The following PTPRD variants were observed in gnomAD, a reference collection of about 807,000 sequenced individuals.
The protein encoded by PTPRD is receptor-type tyrosine-protein phosphatase delta.
Under a neutral mutation model 214.5 loss-of-function variants are expected in PTPRD, and 34 were observed. The ratio of observed to expected loss-of-function variants is 0.16; its 90% CI spans 0.12 to 0.21. The LOEUF (loss-of-function observed/expected upper bound fraction) is 0.21. PTPRD is among the 10% of genes least tolerant of loss of function. The pLI is 1.00. For missense variants in PTPRD, 2,545 were observed against 2,398.7 expected, an observed-to-expected ratio of 1.06 and a Z score of -1.27; for synonymous variants, 1,128 against 845.7, an observed-to-expected ratio of 1.33 and a Z score of -5.79.
In PTPRD at chr9:10,520,251, T is replaced by A. The variant is rs1485284569; in HGVS notation, c.-600+92147A>T. ...ATAATAAGATAGCAAAACAACCTTA[T>A]TGCTGATATGAAGTAAATTGTGGTG... is the stretch of plus-strand genomic sequence containing the variant. On this transcript the variant is annotated intron_variant, in intron 2 of 45. Coordinates refer to ENST00000381196, the MANE Select transcript of PTPRD (RefSeq NM_002839.4). Among the ~76,000 whole-genome samples the A allele has an allele frequency of 2.0e-5, 3 of 152,196 alleles. No homozygotes were observed. In the East Asian group the frequency reaches 5.8e-4, roughly 29 times the overall value.
chr9:10,534,403 T>C (rs1041556576), intron 2 of PTPRD, among the ~76,000 whole-genome samples: 2 of 152,064 alleles, frequency 1.3e-5, no homozygotes, highest in South Asian at 2.1e-4. Context: ...AATTTAAATA[T>C]AATAGTGTGA....
intron 9 of PTPRD, among the ~76,000 whole-genome samples, chr9:9,256,494 C>A (rs893964373): frequency 4.0e-5 from 6 of 151,702 alleles, no homozygotes; most frequent in African/African-American, 1.2e-4. Context: ...CTCTTCTAAT[C>A]CAGCCCTAAA....
At chr9:9,423,993 T>C (rs1338526110) in intron 8 of PTPRD, among the ~76,000 whole-genome samples, 3 of 152,178 alleles carry the variant, frequency 2.0e-5, no homozygotes, top group Admixed American at 6.5e-5. Flanking sequence ...GCTGGAAGTA[T>C]TGGCAACTCA....
At position 10,470,611 on chromosome 9, in the gene PTPRD, A is replaced by G. The variant is rs116704249; in HGVS notation, c.-599-129594T>C. On this transcript the variant is annotated intron_variant, in intron 2 of 45. Transcript: ENST00000381196. ...GGGATAGACTAGGGTTTTGTTGTGG[A>G]TGCCCTCCTCTGCATTGTAGGTTAT... 4.0e-3 allele frequency among the ~76,000 whole-genome samples: 611 copies of G among 152,234 alleles called. 6 individuals carry two copies. Among genetic ancestry groups the G allele is most frequent in the African/African-American group, 0.014 (581 of 41,544 alleles).
chr9:9,640,188 C>CA (rs1442343754), intron 7 of PTPRD, among the ~76,000 whole-genome samples: 1 of 152,192 alleles, frequency 6.6e-6, no homozygotes. Flanking sequence ...CCATTCTTCT[C>CA]ACCAGAAGTG....
At chr9:8,821,422 C>T (rs1362576858) in intron 11 of PTPRD, among the ~76,000 whole-genome samples, 5 of 152,148 alleles carry the variant, frequency 3.3e-5, no homozygotes, top group Non-Finnish European at 1.5e-5. Flanking sequence ...TCTACAACCC[C>T]TAGGAATTCA....
chr9:8,815,649 G>C (rs908529555), intron 11 of PTPRD, among the ~76,000 whole-genome samples: 2 of 152,092 alleles, frequency 1.3e-5, no homozygotes, highest in Non-Finnish European at 2.9e-5. Context: ...ATCAGTTTGA[G>C]ATTATGGGTT....
intron 3 of PTPRD, among the ~76,000 whole-genome samples, chr9:10,124,026 G>T (rs894883061): frequency 6.6e-6 from 1 of 152,142 alleles, no homozygotes; most frequent in Non-Finnish European, 1.5e-5. Flanking sequence ...ACCCTGGAAG[G>T]AACATCTGAG....
intron 39 of PTPRD, among the ~76,000 whole-genome samples, chr9:8,359,325 TATTATTTC>T (rs963713195): frequency 5.9e-5 from 9 of 151,664 alleles, no homozygotes; most frequent in African/African-American, 1.9e-4. Flanking sequence ...GTTTGAATTT[TATTATTTC>T]ATTATTTTTG....
chr9:9,862,444 G>T (rs2062981042), intron 5 of PTPRD, among the ~76,000 whole-genome samples: 1 of 152,204 alleles, frequency 6.6e-6, no homozygotes, highest in African/African-American at 2.4e-5. Context: ...GATATGAAGT[G>T]AAAACAAAAC....
At chr9:9,815,772 T>C (rs1263889265) in intron 5 of PTPRD, among the ~76,000 whole-genome samples, 3 of 152,150 alleles carry the variant, frequency 2.0e-5, no homozygotes, top group African/African-American at 4.8e-5. Flanking sequence ...CATGAGAGTA[T>C]GTTGGTCAAA....
chr9:10,595,253 T>C (rs1394802029), intron 2 of PTPRD, among the ~76,000 whole-genome samples: 2 of 151,874 alleles, frequency 1.3e-5, no homozygotes, highest in Non-Finnish European at 1.5e-5. Flanking sequence ...TTAGTGTTAA[T>C]TGCTAATTAA....
At chr9:9,065,001 T>C (rs1406973762) in intron 10 of PTPRD, among the ~76,000 whole-genome samples, 1 of 152,200 alleles carries the variant, frequency 6.6e-6, no homozygotes, top group African/African-American at 2.4e-5. Flanking sequence ...TCATTTTTCA[T>C]ATGCCTGAAC....
intron 9 of PTPRD, among the ~76,000 whole-genome samples, chr9:9,332,285 G>A (rs1371710445): frequency 3.3e-5 from 5 of 151,890 alleles, no homozygotes; most frequent in African/African-American, 9.7e-5. Flanking sequence ...AACAGCAGGT[G>A]AATCATGCAT....
chr9:9,302,925 G>A (rs1489583331), intron 9 of PTPRD, among the ~76,000 whole-genome samples: 2 of 151,762 alleles, frequency 1.3e-5, no homozygotes, highest in Non-Finnish European at 1.5e-5. Context: ...TGCTGAACTT[G>A]CTTCACTGAA....
At chr9:9,116,665 T>G (rs934457688) in intron 10 of PTPRD, among the ~76,000 whole-genome samples, 1 of 152,250 alleles carries the variant, frequency 6.6e-6, no homozygotes, top group South Asian at 2.1e-4. Context: ...CAAAAACCTT[T>G]TATTTACTTA....
At chr9:8,372,562 G>C (rs1282868920) in intron 39 of PTPRD, among the ~76,000 whole-genome samples, 4 of 152,010 alleles carry the variant, frequency 2.6e-5, no homozygotes, top group Non-Finnish European at 5.9e-5. Context: ...TCTCTCCAGA[G>C]TGTGTACTCT....
At chr9:8,991,979 A>G (rs1324102195) in intron 11 of PTPRD, among the ~76,000 whole-genome samples, 2 of 152,102 alleles carry the variant, frequency 1.3e-5, no homozygotes, top group East Asian at 3.9e-4. Flanking sequence ...GTTCAGAATG[A>G]AAAAAATGAA....
At chr9:9,493,479 G>A (rs535991306) in intron 8 of PTPRD, among the ~76,000 whole-genome samples, 1 of 152,186 alleles carries the variant, frequency 6.6e-6, no homozygotes, top group South Asian at 2.1e-4. Flanking sequence ...TGACTTTCCA[G>A]TTTTATTATT....
Sources: allele counts gnomAD v4.1 joint callset (sites outside exome capture counted in the v4.1 genomes callset), GRCh38; gene constraint gnomAD v4.1.1; transcripts MANE v1.5; gene names NCBI Gene and HGNC (gene_info 2026-07-23, HGNC 2026-07-21).